MSTO1: variants seen among roughly 807,000 people sequenced by gnomAD.
The protein encoded by MSTO1 is misato mitochondrial distribution and morphology regulator 1, also known as protein misato homolog 1.
MSTO1 carries 24 observed loss-of-function variants against 55.7 expected under a neutral mutation model. The ratio of observed to expected loss-of-function variants is 0.43; its 90% CI spans 0.31 to 0.61. The LOEUF (loss-of-function observed/expected upper bound fraction) is 0.61, where lower values mean the gene tolerates loss of function less well. Ranked by LOEUF, MSTO1 falls within the 20% of genes least tolerant of loss-of-function variation. MSTO1 has a pLI of 0.09. For synonymous variants in MSTO1, 162 were observed against 252.8 expected (o/e 0.64, Z 3.41); for missense variants, 363 against 625.7 (o/e 0.58, Z 4.48).
At chr1:155,570,509 AG>A in the MSTO1 span, among the ~76,000 whole-genome samples, 1 of 152,192 alleles carries the variant, frequency 6.6e-6, no homozygotes, top group Non-Finnish European at 1.5e-5. Context: ...TATAGTCAGA[AG>A]GTTGATATTA....
At chr1:155,592,774 C>T in the MSTO1 span, among the ~76,000 whole-genome samples, 5 of 152,078 alleles carry the variant, frequency 3.3e-5, no homozygotes, top group African/African-American at 1.2e-4. Context: ...AGGCTGGTCT[C>T]GAACTCCTGA....
chr1:155,563,465 A>G, the MSTO1 span: 12 of 456,606 alleles, frequency 2.6e-5, no homozygotes, highest in South Asian at 1.4e-4. Flanking sequence ...TGAGTTGCCA[A>G]CCTGGGACCC....
the MSTO1 span, among the ~76,000 whole-genome samples, chr1:155,582,155 T>A: frequency 6.6e-6 from 1 of 152,050 alleles, no homozygotes. Context: ...CCTCCCAAAG[T>A]GCTGGGATTA....
Position 155,610,300 on chromosome 1 carries a change from G to T in MSTO1, c.52G>T (p.Gly18Cys). Reference sequence around the variant, plus strand: ...CACACTGCAGTTGGGACATTTTGCCGGTTTCGTGGGCGCGCACTGGTGGAA... The same window carrying T: ...CACACTGCAGTTGGGACATTTTGCCTGTTTCGTGGGCGCGCACTGGTGGAA... Reference protein sequence around the residue: ...VLTLQLGHFAGFVGAHWWNQQ... With the variant: ...VLTLQLGHFACFVGAHWWNQQ... The change falls in exon 1 of 14, where the codon GGT becomes TGT. Residue 18 changes from glycine to cysteine, a missense_variant. Gly to Cys is a radical substitution (Grantham distance 159). Coordinates refer to ENST00000245564, the MANE Select transcript of MSTO1 (RefSeq NM_018116.4). 9.1e-7 allele frequency: 1 copy of T among 1,098,998 alleles called. No homozygotes were observed. The highest frequency in any genetic ancestry group is 1.3e-6 in the Non-Finnish European group (1 of 776,544). 68.1% of individuals were successfully genotyped at this position (1,098,998 alleles called of 1,614,324 possible).
At chr1:155,576,977 T>C in the MSTO1 span, among the ~76,000 whole-genome samples, 2 of 126,798 alleles carry the variant, frequency 1.6e-5, no homozygotes, top group Non-Finnish European at 3.2e-5. Flanking sequence ...ATCGTGCCAT[T>C]GCACTCCAGC....
At chr1:155,566,613 A>AT in the MSTO1 span, among the ~76,000 whole-genome samples, 384 of 146,354 alleles carry the variant, frequency 2.6e-3, no homozygotes, top group African/African-American at 6.3e-3. Context: ...AATAAAGTTA[A>AT]TTTTTTTTTT....
At chr1:155,563,510 T>C in the MSTO1 span, 244 of 456,452 alleles carry the variant, frequency 5.3e-4, no homozygotes, top group Admixed American at 5.2e-3. Flanking sequence ...CTTTTTGTTG[T>C]TGTTAACCCT....
the MSTO1 span, among the ~76,000 whole-genome samples, chr1:155,566,947 G>A: frequency 0.059 from 9,023 of 152,030 alleles, 1,555 homozygotes; most frequent in East Asian, 0.68. Context: ...TTACTATGTT[G>A]CCTAGGCTGC....
the MSTO1 span, among the ~76,000 whole-genome samples, chr1:155,588,383 A>G: frequency 1.3e-5 from 2 of 152,092 alleles, no homozygotes; most frequent in South Asian, 4.1e-4. Flanking sequence ...AAGATGCCTC[A>G]TTTCACTAAT....
chr1:155,590,892 G>C, the MSTO1 span: 1 of 1,612,066 alleles, frequency 6.2e-7, no homozygotes, highest in East Asian at 2.2e-5. Context: ...AGGTGACAAA[G>C]ACAATCCCAG....
chr1:155,576,609 G>A, the MSTO1 span, among the ~76,000 whole-genome samples: 1 of 151,950 alleles, frequency 6.6e-6, no homozygotes, highest in East Asian at 1.9e-4. Context: ...ACAGGTGTGA[G>A]CCACTGTGCC....
the MSTO1 span, among the ~76,000 whole-genome samples, chr1:155,589,505 C>T: frequency 2.0e-5 from 3 of 151,996 alleles, no homozygotes; most frequent in African/African-American, 7.2e-5. Context: ...GTCACACCAT[C>T]TGGCGAAGTC....
the MSTO1 span, among the ~76,000 whole-genome samples, chr1:155,569,079 C>G: frequency 6.6e-6 from 1 of 151,954 alleles, no homozygotes; most frequent in Admixed American, 6.6e-5. Flanking sequence ...GTCTTGAACT[C>G]CTGACCTCAA....
chr1:155,598,965 T>C, the MSTO1 span: 1 of 1,113,480 alleles, frequency 9.0e-7, no homozygotes, highest in Non-Finnish European at 1.3e-6. Context: ...GTTATCTTGT[T>C]ACCGTGGTAG....
chr1:155,576,386 A>G, the MSTO1 span, among the ~76,000 whole-genome samples: 1 of 150,944 alleles, frequency 6.6e-6, no homozygotes, highest in East Asian at 2.0e-4. Flanking sequence ...GACTGCAGTG[A>G]CGCGATCTCA....
At chr1:155,609,900 A>G (rs570814462), upstream of MSTO1, 36 of 273,644 alleles carry the variant, frequency 1.3e-4, no homozygotes, top group South Asian at 1.8e-3. Context: ...GATCTGTGAG[A>G]AGGGATAAGA....
the MSTO1 span, among the ~76,000 whole-genome samples, chr1:155,567,048 G>GAT: frequency 4.6e-5 from 7 of 152,064 alleles, no homozygotes; most frequent in Non-Finnish European, 7.4e-5. Context: ...TTTTTTCTAA[G>GAT]ATAAAATTTA....
chr1:155,570,127 T>C, the MSTO1 span, among the ~76,000 whole-genome samples: 1 of 152,182 alleles, frequency 6.6e-6, no homozygotes, highest in African/African-American at 2.4e-5. Flanking sequence ...ACCTCAGTGG[T>C]GTACCATTGA....
chr1:155,607,987 G>C (rs1436828502), upstream of MSTO1, among the ~76,000 whole-genome samples: 1 of 152,172 alleles, frequency 6.6e-6, no homozygotes, highest in Non-Finnish European at 1.5e-5. Context: ...CAAAGAGAGT[G>C]AGACAGTCTC....
Sources: allele counts gnomAD v4.1 joint callset (sites outside exome capture counted in the v4.1 genomes callset), GRCh38; gene constraint gnomAD v4.1.1; transcripts MANE v1.5; gene names NCBI Gene and HGNC (gene_info 2026-07-23, HGNC 2026-07-21).